The following CDC20B variants were observed in gnomAD, a reference collection of about 807,000 sequenced individuals.
CDC20B encodes the protein cell division cycle protein 20 homolog B.
CDC20B carries 58 observed loss-of-function variants against 64.1 expected under a neutral mutation model. That is an observed-to-expected ratio of 0.90 (90% CI 0.73 to 1.13). The LOEUF (loss-of-function observed/expected upper bound fraction) is 1.13, where lower values mean the gene tolerates loss of function less well. Among genes scored for constraint, CDC20B ranks in the 50% most tolerant of loss-of-function variants. CDC20B has a pLI of 0.00. For missense variants in CDC20B, 597 were observed against 633.0 expected (o/e 0.94, Z 0.61); for synonymous variants, 243 against 230.6 (o/e 1.05, Z -0.49).
intron 6 of CDC20B, among the ~76,000 whole-genome samples, 177 bp downstream of exon 6, chr5:55,133,235 C>T (rs1743074625): frequency 6.6e-6 from 1 of 152,102 alleles, no homozygotes; most frequent in South Asian, 2.1e-4. Context: ...CAATACCATC[C>T]CTAAATATGA....
At chr5:55,160,488 C>A in intron 2 of CDC20B, 1 of 937,998 alleles carries the variant, frequency 1.1e-6, no homozygotes, top group Non-Finnish European at 1.6e-6. Flanking sequence ...GTTACATGGT[C>A]ATAAGTTGGA....
At chr5:55,134,026 T>C (rs1388294970) in intron 5 of CDC20B, among the ~76,000 whole-genome samples, 1 of 152,208 alleles carries the variant, frequency 6.6e-6, no homozygotes, top group Non-Finnish European at 1.5e-5. Context: ...GTATTGTTAA[T>C]ATATTTATAG....
chr5:55,146,949 TACA>T (rs540583954), intron 2 of CDC20B, 93 bp from the exon 3 acceptor site: 162 of 639,238 alleles, frequency 2.5e-4, no homozygotes, highest in African/African-American at 2.0e-3. Flanking sequence ...ACTCATCTAG[TACA>T]ACACCAATAA....
intron 4 of CDC20B, among the ~76,000 whole-genome samples, chr5:55,142,835 A>G (rs1459185105): frequency 6.6e-6 from 1 of 152,220 alleles, no homozygotes; most frequent in East Asian, 1.9e-4. Flanking sequence ...CATACACTGA[A>G]TAAGTAATTT....
chr5:55,160,368 C>T (rs915747215), intron 2 of CDC20B: 10 of 1,612,700 alleles, frequency 6.2e-6, no homozygotes, highest in Non-Finnish European at 6.8e-6. Context: ...AAAGGAAGAA[C>T]TGTTTCTCTG....
In CDC20B at chr5:55,120,443, G is replaced by A. The variant is rs1742728880; in HGVS notation, c.1323C>T (p.Thr441=). ...TATTAACCTGTGAGTTTGTGCTTGGGGTCTGGATGCTCTTCCCAGCATTTA... is the reference window on the plus strand; with the variant it reads ...TATTAACCTGTGAGTTTGTGCTTGGAGTCTGGATGCTCTTCCCAGCATTTA... ...LDINAGKSIQ[T]PSTNSQICSL... The change falls in exon 10 of 12, where the codon ACC becomes ACT. Residue 441 remains threonine (T), a synonymous_variant. Transcript: ENST00000381375. 1 of 1,613,552 alleles carries A rather than the reference G, an allele frequency of 6.2e-7. No homozygotes were observed. Among genetic ancestry groups the A allele is most frequent in the South Asian group, 1.1e-5 (1 of 91,070 alleles).
Position 55,133,407 on chromosome 5 carries a change from CT to C in CDC20B, c.697+4del, listed in dbSNP as rs1479870750. 25 of 1,429,426 alleles carry C rather than the reference CT, an allele frequency of 1.7e-5. No homozygotes were observed. Among genetic ancestry groups the C allele is most frequent in the Non-Finnish European group, 2.3e-5 (24 of 1,031,910 alleles). The allele number at this position is 1,429,426 out of a possible 1,614,324, so 88.5% of individuals were successfully genotyped here. A position where few individuals can be genotyped will look rare whatever the true frequency, so the allele number is the denominator to read the frequency against. On this transcript the variant is annotated splice_donor_region_variant and intron_variant, in intron 6 of 11. Transcript: ENST00000381375. Reference sequence around the variant, plus strand: ...TTTTAATTCCCAATCTAAATGATAACTTACAGTAGTCATTTCGAAGACCAGT... The same window carrying C: ...TTTTAATTCCCAATCTAAATGATAACTACAGTAGTCATTTCGAAGACCAGT...
At chr5:55,154,326 G>C (rs114198407) in intron 2 of CDC20B, among the ~76,000 whole-genome samples, 7,571 of 152,106 alleles carry the variant, frequency 0.05, 608 homozygotes, top group African/African-American at 0.17. Flanking sequence ...TCCAGACCAG[G>C]CTGGGCAAGT....
intron 2 of CDC20B, among the ~76,000 whole-genome samples, chr5:55,149,668 C>T (rs925057245): frequency 6.6e-6 from 1 of 152,088 alleles, no homozygotes; most frequent in African/African-American, 2.4e-5. Context: ...AATCCATAGG[C>T]GGAGAACACA....
intron 9 of CDC20B, among the ~76,000 whole-genome samples, chr5:55,120,954 T>C (rs1430414699): frequency 6.6e-6 from 1 of 152,198 alleles, no homozygotes; most frequent in Non-Finnish European, 1.5e-5. Flanking sequence ...TGTGTCCTTA[T>C]GTTCCAGGTA....
At chr5:55,155,041 C>T (rs1367708684) in intron 2 of CDC20B, among the ~76,000 whole-genome samples, 1 of 151,980 alleles carries the variant, frequency 6.6e-6, no homozygotes, top group Admixed American at 6.6e-5. Flanking sequence ...AAATGCCTGT[C>T]GCATAGTTTT....
chr5:55,137,629 A>G (rs1359039769), intron 5 of CDC20B: 5 of 456,694 alleles, frequency 1.1e-5, no homozygotes, highest in South Asian at 7.7e-5. Flanking sequence ...TGCTGCCACT[A>G]AAGTGATCTA....
chr5:55,141,486 G>A (rs1218117018), intron 4 of CDC20B, among the ~76,000 whole-genome samples: 4 of 152,160 alleles, frequency 2.6e-5, no homozygotes, highest in South Asian at 2.1e-4. Context: ...CTATAGTGGT[G>A]AGCTTCTCTA....
chr5:55,142,021 T>C lies in CDC20B; in HGVS notation c.486+1492A>G, dbSNP rs115168074. Among the ~76,000 whole-genome samples the C allele has an allele frequency of 5.9e-3, 892 of 152,304 alleles. 12 individuals carry two copies. Among genetic ancestry groups the C allele is most frequent in the African/African-American group, 0.02 (852 of 41,566 alleles). ...CCTGCTCATCAGTAGTTCAATGAACTCTTCACAGACTCACTTCTTTAGAAT... is the reference window on the plus strand; with the variant it reads ...CCTGCTCATCAGTAGTTCAATGAACCCTTCACAGACTCACTTCTTTAGAAT... On this transcript the variant is annotated intron_variant, in intron 4 of 11. Transcript: ENST00000381375.
At chr5:55,142,523 G>A (rs1743356973) in intron 4 of CDC20B, among the ~76,000 whole-genome samples, 1 of 152,148 alleles carries the variant, frequency 6.6e-6, no homozygotes. Context: ...GAAAGGATAA[G>A]AGGAAGGAAA....
At chr5:55,141,897 G>A (rs1743340388) in intron 4 of CDC20B, among the ~76,000 whole-genome samples, 1 of 152,274 alleles carries the variant, frequency 6.6e-6, no homozygotes. Flanking sequence ...CCCCTGAGTT[G>A]TAACAATGAA....
chr5:55,171,039 C>T (rs917680574), intron 2 of CDC20B, among the ~76,000 whole-genome samples: 3 of 152,290 alleles, frequency 2.0e-5, no homozygotes, highest in Non-Finnish European at 1.5e-5. Flanking sequence ...GTAGGCTGGG[C>T]GCAGTGGCTT....
chr5:55,148,122 A>G (rs1246248370), intron 2 of CDC20B, among the ~76,000 whole-genome samples: 1 of 152,244 alleles, frequency 6.6e-6, no homozygotes, highest in Non-Finnish European at 1.5e-5. Flanking sequence ...CCAACTCAAC[A>G]GAAAAACTGG....
chr5:55,167,681 C>A (rs1050614774), intron 2 of CDC20B, among the ~76,000 whole-genome samples: 1 of 152,016 alleles, frequency 6.6e-6, no homozygotes, highest in South Asian at 2.1e-4. Flanking sequence ...GGCAACATGG[C>A]AAAACCCTGT....
Sources: gnomAD v4.1 joint callset for allele counts (sites outside exome capture counted in the v4.1 genomes callset) on GRCh38, gnomAD v4.1.1 for gene constraint, MANE v1.5 for transcripts, NCBI Gene and HGNC (gene_info 2026-07-23, HGNC 2026-07-21) for gene names.